Variants in SHTN1 observed in about 807,000 individuals in gnomAD.
SHTN1 encodes shootin 1.
A neutral mutation model predicts 83.1 loss-of-function variants in SHTN1; 42 were observed. The ratio of observed to expected loss-of-function variants is 0.51; its 90% CI spans 0.39 to 0.65. SHTN1 has a LOEUF of 0.65. Among genes scored for constraint, SHTN1 ranks in the 30% least tolerant of loss-of-function variants. The probability of loss-of-function intolerance (pLI) is 0.00; values close to 1 mark genes in which losing one functional copy is unlikely to be tolerated. For missense variants in SHTN1, 622 were observed against 737.8 expected (o/e 0.84, Z 1.82); for synonymous variants, 224 against 247.7 (o/e 0.90, Z 0.90).
chr10:116,963,432 T>C (rs567904177), intron 3 of SHTN1, among the ~76,000 whole-genome samples: 1 of 152,264 alleles, frequency 6.6e-6, no homozygotes, highest in Non-Finnish European at 1.5e-5. Flanking sequence ...TGGTTCTGAA[T>C]TGGGCTTGTC....
rs368869267 is a variant in SHTN1, at chr10:116,927,887, A to G, written c.1017T>C (p.Asp339=). 1.2e-5 allele frequency: 20 copies of G among 1,612,546 alleles called. No homozygotes were observed. The highest frequency in any genetic ancestry group is 1.5e-5 in the Non-Finnish European group (18 of 1,179,338). ...ACTGGTTCACTCGTTTCTGGAGTTC[A>G]TCAACTGCACAGAGAGCAAACATTC... ...EKARNLKHSV[D]ELQKRVNQSE... Residue 339 remains aspartate, a synonymous_variant, in exon 11 of 17, where the codon GAT becomes GAC. Transcript: ENST00000355371.
chr10:116,927,593 G>T (rs970463886), intron 11 of SHTN1, among the ~76,000 whole-genome samples, 199 bp downstream of exon 11: 2 of 152,160 alleles, frequency 1.3e-5, no homozygotes, highest in African/African-American at 4.8e-5. Context: ...TACCTCCCAC[G>T]ATACGTGAGA....
intron 2 of SHTN1, among the ~76,000 whole-genome samples, chr10:116,969,533 A>AGCT (rs1016271875): frequency 3.3e-5 from 5 of 152,346 alleles, no homozygotes; most frequent in Middle Eastern, 3.4e-3. Context: ...AGAATTCGGA[A>AGCT]TAGAGGAAGG....
intron 1 of SHTN1, among the ~76,000 whole-genome samples, chr10:117,088,676 A>G (rs1853385755): frequency 6.6e-6 from 1 of 152,172 alleles, no homozygotes; most frequent in African/African-American, 2.4e-5. Flanking sequence ...CCTCCAATAC[A>G]GGTGTGAGGG....
chr10:117,065,277 A>G (rs568621375), intron 1 of SHTN1, among the ~76,000 whole-genome samples: 1 of 152,292 alleles, frequency 6.6e-6, no homozygotes, highest in South Asian at 2.1e-4. Flanking sequence ...TAATTATGTA[A>G]CAAACCTGGA....
chr10:117,057,856 C>A (rs1203772989), intron 1 of SHTN1, among the ~76,000 whole-genome samples: 2 of 152,110 alleles, frequency 1.3e-5, no homozygotes, highest in Admixed American at 6.5e-5. Flanking sequence ...CAGTTTTCAA[C>A]AAAACATCAC....
intron 2 of SHTN1, among the ~76,000 whole-genome samples, chr10:117,015,520 G>A (rs1468113423): frequency 3.9e-5 from 6 of 152,040 alleles, no homozygotes; most frequent in African/African-American, 1.4e-4. Context: ...TAGTACAGAC[G>A]GGATTTCTCC....
chr10:117,019,955 G>A (rs1252875125), intron 2 of SHTN1, among the ~76,000 whole-genome samples: 4 of 152,064 alleles, frequency 2.6e-5, no homozygotes, highest in Non-Finnish European at 5.9e-5. Context: ...ACTTAATATA[G>A]TTCAAATGCC....
intron 2 of SHTN1, among the ~76,000 whole-genome samples, chr10:117,035,660 G>C (rs1852483845): frequency 6.6e-6 from 1 of 151,938 alleles, no homozygotes; most frequent in African/African-American, 2.4e-5. Flanking sequence ...ATTTAAAAAT[G>C]GGCAAAAATG....
chr10:117,015,298 AT>A (rs937289976), intron 2 of SHTN1, among the ~76,000 whole-genome samples: 1 of 151,628 alleles, frequency 6.6e-6, no homozygotes, highest in African/African-American at 2.4e-5. Context: ...AATTGTAGTA[AT>A]TTTTTTTGTT....
chr10:117,107,204 T>C (rs906109881), intron 1 of SHTN1, among the ~76,000 whole-genome samples: 7 of 152,212 alleles, frequency 4.6e-5, no homozygotes, highest in Non-Finnish European at 1.0e-4. Flanking sequence ...ATAGCAATCC[T>C]AAAATGTAGA....
chr10:116,950,028 C>T (rs1415580588), intron 6 of SHTN1, among the ~76,000 whole-genome samples: 3 of 152,014 alleles, frequency 2.0e-5, no homozygotes, highest in South Asian at 2.1e-4. Flanking sequence ...TGATAAACAC[C>T]AAGTTCAGAA....
At chr10:117,013,920 G>A (rs1852143295) in intron 2 of SHTN1, among the ~76,000 whole-genome samples, 2 of 151,804 alleles carry the variant, frequency 1.3e-5, no homozygotes, top group South Asian at 2.1e-4. Context: ...ATGTGTGTGT[G>A]TATATATATA....
chr10:117,012,452 T>C (rs533180174), intron 2 of SHTN1, among the ~76,000 whole-genome samples: 28 of 152,272 alleles, frequency 1.8e-4, no homozygotes, highest in African/African-American at 6.0e-4. Flanking sequence ...CACACAAATA[T>C]AGTGAATCAC....
In SHTN1 at chr10:116,900,345, C is replaced by A. The variant is rs994186050; in HGVS notation, c.1673+1420G>T. 25 of 586,698 alleles carry A rather than the reference C, an allele frequency of 4.3e-5. 1 individual carries two copies. In the East Asian group the frequency reaches 6.4e-4, roughly 15 times the overall value. 36.3% of individuals were successfully genotyped at this position (586,698 alleles called of 1,614,324 possible). On this transcript the variant is annotated intron_variant, in intron 16 of 16. Transcript: ENST00000355371. Reference sequence around the variant, plus strand: ...ATGAGAAATAAATTGAGCTTCACATCTGCCTTTATGGCATCTAACAACTGT... The same window carrying A: ...ATGAGAAATAAATTGAGCTTCACATATGCCTTTATGGCATCTAACAACTGT...
chr10:117,061,945 T>C (rs1046642041), intron 1 of SHTN1, among the ~76,000 whole-genome samples: 8 of 152,342 alleles, frequency 5.3e-5, no homozygotes, highest in Non-Finnish European at 7.3e-5. Context: ...AGGTAGAGTA[T>C]AATGGCATTT....
intron 2 of SHTN1, among the ~76,000 whole-genome samples, chr10:117,018,694 C>G (rs1464142566): frequency 6.6e-6 from 1 of 151,656 alleles, no homozygotes; most frequent in Non-Finnish European, 1.5e-5. Flanking sequence ...GCCTCAGCCT[C>G]CTGAGTAGTT....
chr10:116,926,009 AACT>A (rs892588757), intron 11 of SHTN1, among the ~76,000 whole-genome samples: 2 of 152,160 alleles, frequency 1.3e-5, no homozygotes, highest in Admixed American at 1.3e-4. Flanking sequence ...ACAAAAAAAA[AACT>A]CTTTTCTTTA....
intron 1 of SHTN1, among the ~76,000 whole-genome samples, chr10:117,078,963 T>C (rs979931513): frequency 3.4e-5 from 5 of 145,172 alleles, no homozygotes; most frequent in African/African-American, 1.4e-4. Context: ...CCTGCTTTAA[T>C]TTATGATATT....
Sources: gnomAD v4.1 joint callset for allele counts (sites outside exome capture counted in the v4.1 genomes callset) on GRCh38, gnomAD v4.1.1 for gene constraint, MANE v1.5 for transcripts, NCBI Gene and HGNC (gene_info 2026-07-23, HGNC 2026-07-21) for gene names.